The following NEURL1 variants were observed in gnomAD, a reference collection of about 807,000 sequenced individuals.
NEURL1 encodes the protein E3 ubiquitin-protein ligase NEURL1.
NEURL1 carries 26 observed loss-of-function variants against 41.2 expected under a neutral mutation model. That is an observed-to-expected ratio of 0.63 (90% CI 0.46 to 0.87). The LOEUF (loss-of-function observed/expected upper bound fraction) is 0.87, where lower values mean the gene tolerates loss of function less well. Ranked by LOEUF, NEURL1 falls within the 40% of genes least tolerant of loss-of-function variation. The pLI is 0.00. For missense variants in NEURL1, 761 were observed against 871.1 expected, an observed-to-expected ratio of 0.87 and a Z score of 1.59; for synonymous variants, 400 against 402.3, an observed-to-expected ratio of 0.99 and a Z score of 0.07.
At chr10:103,518,122 C>T (rs940414054) in intron 1 of NEURL1, among the ~76,000 whole-genome samples, 1 of 152,168 alleles carries the variant, frequency 6.6e-6, no homozygotes, top group African/African-American at 2.4e-5. Context: ...TTGCCCCTTT[C>T]TCCACTTACT....
At chr10:103,547,843 T>C (rs920250751) in intron 1 of NEURL1, among the ~76,000 whole-genome samples, 13 of 151,388 alleles carry the variant, frequency 8.6e-5, no homozygotes, top group East Asian at 3.9e-4. Context: ...ATCAGCAGAG[T>C]GTGTTTCCGC....
chr10:103,554,672 A>T lies in NEURL1; in HGVS notation c.86-16200A>T, dbSNP rs549087473. 1.2e-4 allele frequency among the ~76,000 whole-genome samples: 18 copies of T among 152,268 alleles called. 1 individual carries two copies. The South Asian group carries it at 2.3e-3, about 19-fold the overall frequency. On this transcript the variant is annotated intron_variant, in intron 1 of 5. Coordinates refer to ENST00000369780, the MANE Select transcript of NEURL1 (RefSeq NM_004210.5). ...TTGATCTGTTGATAATGACTGTAAT[A>T]CTGACCTCATCATTCAGCCTGTGAG...
At chr10:103,561,135 A>G (rs768124533) in intron 1 of NEURL1, among the ~76,000 whole-genome samples, 1 of 152,228 alleles carries the variant, frequency 6.6e-6, no homozygotes, top group Non-Finnish European at 1.5e-5. Flanking sequence ...GGGTGGCCCC[A>G]CACCGTGGCA....
Position 103,584,707 on chromosome 10 carries a change from C to T in NEURL1, c.821C>T (p.Pro274Leu). 1 of 1,466,218 alleles carries T rather than the reference C, an allele frequency of 6.8e-7. No individual in the cohort carries two copies. Among genetic ancestry groups the T allele is most frequent in the Non-Finnish European group, 9.0e-7 (1 of 1,114,632 alleles). The allele number at this position is 1,466,218 out of a possible 1,614,324, so 90.8% of individuals were successfully genotyped here. A position where few individuals can be genotyped will look rare whatever the true frequency, so the allele number is the denominator to read the frequency against. ...GCGCCGGCCGCCGGCTGCCCCATCC[C>T]GCAGAACTCACTCAACTCGCAGCAC... ...EAAPAAGCPI[P>L]QNSLNSQHSR... is the part of the protein sequence containing the mutation. Residue 274 changes from proline to leucine, a missense_variant, in exon 4 of 6, where the codon CCG (proline) becomes CTG (leucine). This residue lies in a region of NEURL1 where 443 missense variants were observed against 408.1 expected (regional missense o/e 1.09). Transcript: ENST00000369780.
At chr10:103,563,338 TCAAGG>T (rs957728961) in intron 1 of NEURL1, among the ~76,000 whole-genome samples, 2 of 152,114 alleles carry the variant, frequency 1.3e-5, no homozygotes, top group Non-Finnish European at 2.9e-5. Flanking sequence ...GAGAAATAAA[TCAAGG>T]TCCAGAGAGG....
In NEURL1 at chr10:103,556,039, A is replaced by C. The variant is rs1204969712; in HGVS notation, c.86-14833A>C. Among the ~76,000 whole-genome samples, 1 of 152,216 alleles carries C rather than the reference A, an allele frequency of 6.6e-6. No individual in the cohort carries two copies. Among genetic ancestry groups the C allele is most frequent in the Admixed American group, 6.5e-5 (1 of 15,290 alleles). ...ACGGGTGTGCAAGTGACAGCACCCC[A>C]CAGCGCCTGACCTCGCTTCTCCAAG... On this transcript the variant is annotated intron_variant, in intron 1 of 5. Coordinates refer to ENST00000369780, the MANE Select transcript of NEURL1 (RefSeq NM_004210.5). This position sits in a 1 kb window ranked among gnomAD's most constrained non-coding sequence, Gnocchi z 4.4.
At chr10:103,557,649 T>C (rs1206917716) in intron 1 of NEURL1, among the ~76,000 whole-genome samples, 1 of 152,140 alleles carries the variant, frequency 6.6e-6, no homozygotes, top group Non-Finnish European at 1.5e-5. Context: ...ACAGCCAACC[T>C]CCACCCCCAT....
intron 1 of NEURL1, among the ~76,000 whole-genome samples, chr10:103,497,837 A>G (rs2033723092): frequency 6.6e-6 from 1 of 152,122 alleles, no homozygotes; most frequent in African/African-American, 2.4e-5. Flanking sequence ...GAGGGAGTGA[A>G]TGGAATCAAG....
In NEURL1 at chr10:103,558,688, T is replaced by C. The variant is rs945430301; in HGVS notation, c.86-12184T>C. Among the ~76,000 whole-genome samples the C allele has an allele frequency of 2.0e-5, 3 of 152,184 alleles. No individual in the cohort carries two copies. Among genetic ancestry groups the C allele is most frequent in the African/African-American group, 4.8e-5 (2 of 41,450 alleles). ...CCATTCGGTAGGTTTCCAGAGCTGCTCCTGGTCTTGAGAGCAGGCTGACAG... is the reference window on the plus strand; with the variant it reads ...CCATTCGGTAGGTTTCCAGAGCTGCCCCTGGTCTTGAGAGCAGGCTGACAG... On this transcript the variant is annotated intron_variant, in intron 1 of 5. Coordinates refer to ENST00000369780, the MANE Select transcript of NEURL1 (RefSeq NM_004210.5). This position sits in a 1 kb window ranked among gnomAD's most constrained non-coding sequence, Gnocchi z 4.2.
At chr10:103,568,657 C>T (rs936025170) in intron 1 of NEURL1, among the ~76,000 whole-genome samples, 1 of 152,156 alleles carries the variant, frequency 6.6e-6, no homozygotes, top group Non-Finnish European at 1.5e-5. Flanking sequence ...AGATAAGGAA[C>T]ACACAGACCA....
intron 1 of NEURL1, among the ~76,000 whole-genome samples, chr10:103,498,767 C>T (rs1422748269): frequency 6.6e-6 from 1 of 152,222 alleles, no homozygotes; most frequent in Non-Finnish European, 1.5e-5. Flanking sequence ...CTATTCCAGG[C>T]GTTTAATATA....
At chr10:103,532,920 CTTTTTTTTTTT>C (rs144783148) in intron 1 of NEURL1, among the ~76,000 whole-genome samples, 18 of 63,572 alleles carry the variant, frequency 2.8e-4, no homozygotes, top group African/African-American at 1.1e-3. Context: ...TTCTCTTCTC[CTTTTTTTTTTT>C]TTTTTTTTTT....
At chr10:103,510,351 G>A (rs1250054505) in intron 1 of NEURL1, among the ~76,000 whole-genome samples, 1 of 152,194 alleles carries the variant, frequency 6.6e-6, no homozygotes, top group Non-Finnish European at 1.5e-5. Flanking sequence ...TCAAATCCAT[G>A]GTGACAGGAC....
chr10:103,533,811 C>T (rs1379638843), intron 1 of NEURL1, among the ~76,000 whole-genome samples: 1 of 152,118 alleles, frequency 6.6e-6, no homozygotes, highest in Non-Finnish European at 1.5e-5. Context: ...GCTGGGATTA[C>T]AGGCTTGAGC....
chr10:103,559,876 GCA>G (rs907670504), intron 1 of NEURL1, among the ~76,000 whole-genome samples: 3 of 151,610 alleles, frequency 2.0e-5, no homozygotes, highest in South Asian at 2.1e-4. Context: ...GTACACATAC[GCA>G]CACACATACA....
chr10:103,531,513 T>C (rs988561807), intron 1 of NEURL1, among the ~76,000 whole-genome samples: 1 of 151,796 alleles, frequency 6.6e-6, no homozygotes, highest in African/African-American at 2.4e-5. Flanking sequence ...GTGCTGGGAT[T>C]ACAGATGTGA....
At chr10:103,571,134 C>T (rs977995733) in intron 2 of NEURL1, 21 bp downstream of exon 2, 28 of 1,607,334 alleles carry the variant, frequency 1.7e-5, no homozygotes, top group African/African-American at 5.3e-5. Flanking sequence ...CCCCTGCCCC[C>T]GCCCCCGCCT....
intron 1 of NEURL1, among the ~76,000 whole-genome samples, chr10:103,504,365 T>C (rs2033899249): frequency 6.6e-6 from 1 of 152,212 alleles, no homozygotes; most frequent in African/African-American, 2.4e-5. Flanking sequence ...TTGATGACCT[T>C]GACAGTTTTG....
chr10:103,547,479 G>C (rs1281565357), intron 1 of NEURL1, among the ~76,000 whole-genome samples: 1 of 152,242 alleles, frequency 6.6e-6, no homozygotes, highest in Non-Finnish European at 1.5e-5. Flanking sequence ...GAGCAGAAGT[G>C]GAGGCCAAGT....
Sources: gnomAD v4.1 joint callset for allele counts (sites outside exome capture counted in the v4.1 genomes callset) on GRCh38, gnomAD v4.1.1 for gene constraint, gnomAD v4.1.1 regional missense constraint, Gnocchi (gnomAD v3.1) non-coding constraint, MANE v1.5 for transcripts, NCBI Gene and HGNC (gene_info 2026-07-23, HGNC 2026-07-21) for gene names.